XRCC5: variants seen among roughly 807,000 people sequenced by gnomAD.
XRCC5 encodes X-ray repair cross complementing 5.
XRCC5 carries 12 observed loss-of-function variants against 95.7 expected under a neutral mutation model. That is an observed-to-expected ratio of 0.13 (90% CI 0.08 to 0.20). The LOEUF (loss-of-function observed/expected upper bound fraction) is 0.20. Ranked by LOEUF, XRCC5 falls within the 10% of genes least tolerant of loss-of-function variation. XRCC5 has a pLI of 1.00. For synonymous variants in XRCC5, 281 were observed against 290.3 expected (o/e 0.97, Z 0.33); for missense variants, 595 against 873.9 (o/e 0.68, Z 4.02).
intron 14 of XRCC5, among the ~76,000 whole-genome samples, chr2:216,157,650 G>A (rs1376502626): frequency 6.6e-6 from 1 of 152,128 alleles, no homozygotes; most frequent in Non-Finnish European, 1.5e-5. Flanking sequence ...ATTAATTTTT[G>A]TATATTGAGA....
chr2:216,185,631 A>G (rs912029402), intron 16 of XRCC5, among the ~76,000 whole-genome samples: 1 of 151,822 alleles, frequency 6.6e-6, no homozygotes, highest in African/African-American at 2.4e-5. Context: ...TTGTGTTATA[A>G]AGATGCAATT....
chr2:216,158,819 T>G (rs1212082102), intron 14 of XRCC5, among the ~76,000 whole-genome samples: 1 of 152,188 alleles, frequency 6.6e-6, no homozygotes, highest in Non-Finnish European at 1.5e-5. Flanking sequence ...TAAGAGGAAA[T>G]TCATTATTGA....
chr2:216,120,242 C>G (rs1305783131), intron 5 of XRCC5, among the ~76,000 whole-genome samples: 1 of 152,204 alleles, frequency 6.6e-6, no homozygotes, highest in Non-Finnish European at 1.5e-5. Flanking sequence ...AGAAGCCCAG[C>G]ACAGCTTCTG....
At chr2:216,138,057 T>G in intron 11 of XRCC5, 32 bp from the exon 12 acceptor site, 1 of 1,536,012 alleles carries the variant, frequency 6.5e-7, no homozygotes, top group Non-Finnish European at 8.9e-7. Flanking sequence ...AATTTCATCG[T>G]TTCTGCTTTT....
chr2:216,120,376 A>G (rs983699809), intron 5 of XRCC5, among the ~76,000 whole-genome samples: 1 of 152,212 alleles, frequency 6.6e-6, no homozygotes, highest in African/African-American at 2.4e-5. Flanking sequence ...AAGAGGAAGC[A>G]TAGCCTTTGC....
intron 12 of XRCC5, among the ~76,000 whole-genome samples, chr2:216,139,838 T>C (rs1220971291): frequency 6.6e-6 from 1 of 152,246 alleles, no homozygotes; most frequent in Non-Finnish European, 1.5e-5. Context: ...AGTTTATTGA[T>C]AATTTATTTT....
In XRCC5 at chr2:216,205,787, T is replaced by C. The variant is rs1689930989; in HGVS notation, c.*585T>C. The C allele has an allele frequency of 6.6e-6, 1 of 152,568 alleles. No homozygotes were observed. The highest frequency in any genetic ancestry group is 2.1e-4 in the South Asian group (1 of 4,848). The allele number at this position is 152,568 out of a possible 1,614,324, so 9.5% of individuals were successfully genotyped here. On this transcript the variant is annotated 3_prime_UTR_variant, in exon 21 of 21. Transcript: ENST00000392132. ...TACCACATTACTCTGCCTCTGTATA[T>C]AGGTGGTTTTCTTTAAGTGGGGTGG...
chr2:216,165,445 A>G (rs768578342), intron 16 of XRCC5, among the ~76,000 whole-genome samples: 18 of 152,312 alleles, frequency 1.2e-4, no homozygotes, highest in Non-Finnish European at 1.9e-4. Context: ...ATTAGCAACT[A>G]GTTCTCGTGA....
chr2:216,133,909 G>A (rs1697030656), intron 10 of XRCC5, among the ~76,000 whole-genome samples: 1 of 152,170 alleles, frequency 6.6e-6, no homozygotes, highest in South Asian at 2.1e-4. Context: ...GTGTAGGAGG[G>A]ATGGCAGACA....
At chr2:216,194,810 A>T (rs1689684746) in intron 18 of XRCC5, 109 bp from the exon 19 acceptor site, 2 of 1,034,006 alleles carry the variant, frequency 1.9e-6, no homozygotes, top group Non-Finnish European at 1.5e-6. Context: ...GTCTCTATTT[A>T]AAAAAAAGAA....
At position 216,134,679 on chromosome 2, in the gene XRCC5, C is replaced by G. The variant is rs200971320; in HGVS notation, c.1113+2292C>G. On this transcript the variant is annotated intron_variant, in intron 10 of 20. Coordinates refer to ENST00000392132, the MANE Select transcript of XRCC5 (RefSeq NM_021141.4). ...CCTGACCTCAGGTGATCCACCCCCC[C>G]CCCTCCTCGGCCTCCCAAAGTGTTG... Among the ~76,000 whole-genome samples the G allele has an allele frequency of 4.4e-4, 66 of 151,360 alleles. No individual in the cohort carries two copies. The East Asian group carries it at 1.0e-2, about 23-fold the overall frequency.
intron 12 of XRCC5, among the ~76,000 whole-genome samples, chr2:216,139,952 T>C (rs563543961): frequency 4.2e-4 from 64 of 152,376 alleles, no homozygotes; most frequent in Middle Eastern, 3.4e-3. Flanking sequence ...AAATGGAACA[T>C]TAAAGTTATT....
chr2:216,178,642 GAT>G (rs1689322369), intron 16 of XRCC5, among the ~76,000 whole-genome samples: 1 of 152,186 alleles, frequency 6.6e-6, no homozygotes, highest in Admixed American at 6.5e-5. Flanking sequence ...TGTTGGATGT[GAT>G]ATCTCATCCC....
At chr2:216,144,002 A>C (rs1395727850) in intron 13 of XRCC5, among the ~76,000 whole-genome samples, 1 of 152,114 alleles carries the variant, frequency 6.6e-6, no homozygotes. Context: ...GGCGTGAGCC[A>C]CTGCACCCGG....
intron 16 of XRCC5, among the ~76,000 whole-genome samples, chr2:216,187,834 C>G (rs1689531794): frequency 8.2e-6 from 1 of 122,392 alleles, no homozygotes; most frequent in Non-Finnish European, 1.7e-5. Context: ...CTCTCTCTCT[C>G]TCTCTCTCTC....
chr2:216,195,403 C>T (rs1305683943), intron 19 of XRCC5, among the ~76,000 whole-genome samples: 1 of 63,626 alleles, frequency 1.6e-5, no homozygotes, highest in Admixed American at 2.6e-4. Flanking sequence ...TTTCTTTTCT[C>T]TCTCTCTCTG....
chr2:216,169,174 A>T (rs1435202905), intron 16 of XRCC5, among the ~76,000 whole-genome samples: 1 of 152,218 alleles, frequency 6.6e-6, no homozygotes, highest in Non-Finnish European at 1.5e-5. Flanking sequence ...TGATTGACTA[A>T]ACATACATAT....
rs776955152 is a variant in XRCC5, at chr2:216,205,253, G to A, written c.*51G>A. ...AGAGCTGCCATCGCTGTGATGCTGG[G>A]AGTTCTAACAAAACAAGTTGGATGC... On this transcript the variant is annotated 3_prime_UTR_variant, in exon 21 of 21. Transcript: ENST00000392132. 31 of 1,613,034 alleles carry A rather than the reference G, an allele frequency of 1.9e-5. No individual in the cohort carries two copies. Among genetic ancestry groups the A allele is most frequent in the Non-Finnish European group, 2.5e-5 (29 of 1,179,166 alleles).
chr2:216,188,532 A>G (rs1689551794), intron 16 of XRCC5, among the ~76,000 whole-genome samples: 4 of 152,216 alleles, frequency 2.6e-5, no homozygotes, highest in Admixed American at 2.6e-4. Context: ...TTCAAAAGAA[A>G]TGGAGAATTT....
Sources: gnomAD v4.1 joint callset for allele counts (sites outside exome capture counted in the v4.1 genomes callset) on GRCh38, gnomAD v4.1.1 for gene constraint, MANE v1.5 for transcripts, NCBI Gene and HGNC (gene_info 2026-07-23, HGNC 2026-07-21) for gene names.